The following SRRM3 variants were observed in gnomAD, a reference collection of about 807,000 sequenced individuals.
SRRM3 encodes the protein serine/arginine repetitive matrix protein 3.
SRRM3 carries 27 observed loss-of-function variants against 66.2 expected under a neutral mutation model. That is an observed-to-expected ratio of 0.41 (90% confidence interval 0.30 to 0.56). SRRM3 has a LOEUF of 0.56. SRRM3 is among the 20% of genes least tolerant of loss of function. SRRM3 has a pLI of 0.32. For missense variants in SRRM3, 918 were observed against 991.9 expected, an observed-to-expected ratio of 0.93 and a Z score of 1.00; for synonymous variants, 391 against 414.9, an observed-to-expected ratio of 0.94 and a Z score of 0.70.
chr7:76,250,133 T>C (rs11971587), intron 3 of SRRM3, among the ~76,000 whole-genome samples: 35,673 of 151,722 alleles, frequency 0.24, 4,512 homozygotes, highest in East Asian at 0.45. Flanking sequence ...AACCTCTGCC[T>C]CCCAGGTTCA....
At chr7:76,242,223 G>A (rs1181434677) in intron 2 of SRRM3, among the ~76,000 whole-genome samples, 1 of 152,120 alleles carries the variant, frequency 6.6e-6, no homozygotes, top group Non-Finnish European at 1.5e-5. Flanking sequence ...GGTGGCTCAC[G>A]CCTGTAATCC....
chr7:76,208,288 A>G (rs558822811), intron 1 of SRRM3, among the ~76,000 whole-genome samples: 2 of 152,066 alleles, frequency 1.3e-5, no homozygotes, highest in Non-Finnish European at 2.9e-5. Flanking sequence ...CTGGCCTCCA[A>G]CCTCCAACCC....
chr7:76,260,774 GTC>G, intron 5 of SRRM3, 98 bp from the exon 6 acceptor site: 1 of 1,193,630 alleles, frequency 8.4e-7, no homozygotes, highest in Non-Finnish European at 1.2e-6. Flanking sequence ...GAATCTCTCT[GTC>G]CACCCTCCCC....
At chr7:76,232,649 G>A (rs1801043648) in intron 1 of SRRM3, among the ~76,000 whole-genome samples, 1 of 152,090 alleles carries the variant, frequency 6.6e-6, no homozygotes, top group African/African-American at 2.4e-5. Flanking sequence ...TAATGCCTAT[G>A]AGCGGTGACT....
chr7:76,237,558 G>A (rs1801182063), intron 2 of SRRM3, among the ~76,000 whole-genome samples: 1 of 152,204 alleles, frequency 6.6e-6, no homozygotes, highest in African/African-American at 2.4e-5. Flanking sequence ...CTGAGCAACG[G>A]AGGGAGACTC....
intron 10 of SRRM3, among the ~76,000 whole-genome samples, chr7:76,265,854 ATATATTTTTTTT>A (rs1802008787): frequency 3.0e-4 from 3 of 9,970 alleles, no homozygotes; most frequent in Non-Finnish European, 3.7e-4. Context: ...ATATATATAT[ATATATTTTTTTT>A]TTTTTTTTTT....
intron 11 of SRRM3, among the ~76,000 whole-genome samples, chr7:76,278,974 C>T (rs71562417): frequency 2.0e-5 from 3 of 152,140 alleles, no homozygotes; most frequent in African/African-American, 4.8e-5. Flanking sequence ...TGCCAGTGGC[C>T]GGGCTCGGTG....
chr7:76,228,747 CTG>C (rs1800941930), intron 1 of SRRM3, among the ~76,000 whole-genome samples: 1 of 151,986 alleles, frequency 6.6e-6, no homozygotes, highest in Non-Finnish European at 1.5e-5. Context: ...CAAAACAAAT[CTG>C]TGTCTTAACA....
chr7:76,207,353 A>T (rs1439251173), intron 1 of SRRM3, among the ~76,000 whole-genome samples: 1 of 152,086 alleles, frequency 6.6e-6, no homozygotes, highest in Non-Finnish European at 1.5e-5. Flanking sequence ...GCATATCTTC[A>T]TTGTACAAGT....
chr7:76,252,661 C>G (rs1801607410), intron 3 of SRRM3, among the ~76,000 whole-genome samples: 1 of 151,996 alleles, frequency 6.6e-6, no homozygotes, highest in Non-Finnish European at 1.5e-5. Context: ...ACTATGTTGC[C>G]CAGGCTGCTC....
Position 76,285,707 on chromosome 7 carries a change from G to A in SRRM3, c.1826G>A (p.Arg609His), listed in dbSNP as rs1344816735. The A allele has an allele frequency of 7.1e-6, 11 of 1,550,710 alleles. No individual in the cohort carries two copies. Among genetic ancestry groups the A allele is most frequent in the South Asian group, 1.2e-5 (1 of 84,044 alleles). The change falls in exon 15 of 15, where the codon CGC (arginine) becomes CAC (histidine). Residue 609 changes from arginine to histidine, a missense_variant. Arg to His is a conservative substitution (Grantham distance 29). Transcript: ENST00000611745. The surrounding 1 kb of genome is among the most constrained non-coding windows in gnomAD (Gnocchi z 4.1). ...SSDYSTRSHS[R>H]SPSPGHSHGS... ...GACTACTCGACCCGGAGCCACAGCC[G>A]CAGCCCCAGCCCCGGCCACAGCCAC...
chr7:76,247,342 C>T (rs965119683), intron 2 of SRRM3, among the ~76,000 whole-genome samples: 7 of 152,056 alleles, frequency 4.6e-5, no homozygotes, highest in African/African-American at 1.2e-4. Context: ...CCTTGCCCCC[C>T]GATAACCCCC....
intron 2 of SRRM3, among the ~76,000 whole-genome samples, chr7:76,235,773 AG>A (rs1554604804): frequency 6.6e-6 from 1 of 151,896 alleles, no homozygotes; most frequent in South Asian, 2.1e-4. Context: ...TGGGGGGCCT[AG>A]GCAGGTGGAT....
At chr7:76,224,490 G>C (rs1030258435) in intron 1 of SRRM3, among the ~76,000 whole-genome samples, 10 of 142,596 alleles carry the variant, frequency 7.0e-5, no homozygotes. Flanking sequence ...GCTCCTGCAG[G>C]ACTGGGTGGG....
In SRRM3 at chr7:76,255,878, T is replaced by A. The variant is rs1583914016; in HGVS notation, c.336-4028T>A. On this transcript the variant is annotated intron_variant, in intron 3 of 14. Transcript: ENST00000611745. ...CTGTTTCATTTTCTGTGTTGCAGCG[T>A]CTTTTCTCCCCGGAAGAGATGTTGG... is the stretch of plus-strand genomic sequence containing the variant. Among the ~76,000 whole-genome samples, 3 of 152,312 alleles carry A rather than the reference T, an allele frequency of 2.0e-5. No homozygotes were observed. In the South Asian group the frequency reaches 6.2e-4, roughly 32 times the overall value.
rs1802567984 is a variant in SRRM3, at chr7:76,283,004, G to A, written c.1636G>A (p.Glu546Lys). 2 of 1,463,084 alleles carry A rather than the reference G, an allele frequency of 1.4e-6. No homozygotes were observed. Among genetic ancestry groups the A allele is most frequent in the East Asian group, 2.9e-5 (1 of 34,898 alleles). The allele number at this position is 1,463,084 out of a possible 1,614,324, so 90.6% of individuals were successfully genotyped here. A position where few individuals can be genotyped will look rare whatever the true frequency, so the allele number is the denominator to read the frequency against. Residue 546 changes from glutamate (E) to lysine (K), a missense_variant, in exon 14 of 15, where the codon GAG becomes AAG. Coordinates refer to ENST00000611745, the MANE Select transcript of SRRM3 (RefSeq NM_001110199.3). ...GGGCCGCGCAAGGCACTCTGAGGCC[G>A]AGGCCACCCGCGCCCGGCGCCGCTC... The part of the protein sequence containing the change: ...GEGRARHSEA[E>K]ATRARRRSRS...
intron 1 of SRRM3, among the ~76,000 whole-genome samples, chr7:76,224,281 T>C (rs1402346201): frequency 1.3e-5 from 2 of 150,102 alleles, no homozygotes; most frequent in African/African-American, 4.9e-5. Flanking sequence ...GGTTTCACCA[T>C]GTTGCCCAGG....
chr7:76,205,400 G>T (rs1554601035), intron 1 of SRRM3, among the ~76,000 whole-genome samples: 1 of 152,022 alleles, frequency 6.6e-6, no homozygotes, highest in African/African-American at 2.4e-5. Flanking sequence ...AGTAGAGATG[G>T]GGTTTTGTGA....
At chr7:76,221,703 T>C (rs1258334207) in intron 1 of SRRM3, among the ~76,000 whole-genome samples, 1 of 152,210 alleles carries the variant, frequency 6.6e-6, no homozygotes, top group African/African-American at 2.4e-5. Context: ...TCTACTGGTC[T>C]GTGTGGGTTT....
Sources: allele counts gnomAD v4.1 joint callset (sites outside exome capture counted in the v4.1 genomes callset), GRCh38; gene constraint gnomAD v4.1.1; non-coding constraint Gnocchi (gnomAD v3.1); transcripts MANE v1.5; gene names NCBI Gene and HGNC (gene_info 2026-07-23, HGNC 2026-07-21).